OR1L8: variants seen among roughly 807,000 people sequenced by gnomAD.
The protein encoded by OR1L8 is olfactory receptor family 1 subfamily L member 8.
For missense variants in OR1L8, 330 were observed against 377.4 expected (o/e 0.87, Z 1.04); for synonymous variants, 148 against 147.0 (o/e 1.01, Z -0.05).
chr9:122,555,801 A>G, the OR1L8 span, among the ~76,000 whole-genome samples: 3 of 152,184 alleles, frequency 2.0e-5, no homozygotes, highest in Non-Finnish European at 4.4e-5. Flanking sequence ...TTATGCCCCA[A>G]CACACGCACA....
intron 4 of OR1L8, among the ~76,000 whole-genome samples, chr9:122,569,175 C>T (rs1829494870): frequency 6.6e-6 from 1 of 152,158 alleles, no homozygotes; most frequent in South Asian, 2.1e-4. Context: ...TTCATCCTCC[C>T]TAGCTCATGA....
At chr9:122,550,874 A>G in the OR1L8 span, among the ~76,000 whole-genome samples, 49 of 152,232 alleles carry the variant, frequency 3.2e-4, no homozygotes, top group African/African-American at 1.1e-3. Context: ...ACTCCTATTC[A>G]ACATGATACT....
At chr9:122,546,730 C>A in the OR1L8 span, among the ~76,000 whole-genome samples, 115,587 of 152,120 alleles carry the variant, frequency 0.76, 44,509 homozygotes, top group East Asian at 1. Context: ...TCATTTACGC[C>A]TGGAAAGTAC....
the OR1L8 span, among the ~76,000 whole-genome samples, chr9:122,547,578 A>G: frequency 4.6e-5 from 7 of 151,128 alleles, no homozygotes; most frequent in African/African-American, 9.7e-5. Context: ...TTCCACTTCT[A>G]TGCCCAACTT....
At chr9:122,561,407 G>A in the OR1L8 span, among the ~76,000 whole-genome samples, 11 of 152,174 alleles carry the variant, frequency 7.2e-5, no homozygotes, top group South Asian at 2.1e-4. Context: ...TCATTTGGAG[G>A]AGAAAAGGCA....
the OR1L8 span, chr9:122,553,026 CTT>C: frequency 1.6e-5 from 11 of 675,866 alleles, no homozygotes; most frequent in East Asian, 2.7e-4. Flanking sequence ...CTAAATGTCT[CTT>C]GGGTATTTCC....
the OR1L8 span, chr9:122,554,204 C>T: frequency 6.8e-7 from 1 of 1,462,936 alleles, no homozygotes; most frequent in Non-Finnish European, 9.3e-7. Context: ...ATCAACCCCT[C>T]CCTGTCTTCC....
intron 4 of OR1L8, among the ~76,000 whole-genome samples, chr9:122,570,531 A>G (rs1829527564): frequency 6.6e-6 from 1 of 152,254 alleles, no homozygotes; most frequent in South Asian, 2.1e-4. Context: ...AAAATCGAAC[A>G]CAAATATCCA....
chr9:122,546,855 G>A, the OR1L8 span, among the ~76,000 whole-genome samples: 1 of 151,966 alleles, frequency 6.6e-6, no homozygotes, highest in East Asian at 1.9e-4. Context: ...GTATGTATTC[G>A]GGGGGTACAT....
chr9:122,546,403 G>T, the OR1L8 span, among the ~76,000 whole-genome samples: 1 of 152,134 alleles, frequency 6.6e-6, no homozygotes, highest in South Asian at 2.1e-4. Flanking sequence ...GCTAGTTTGG[G>T]AAGCTTATGA....
downstream of OR1L8, among the ~76,000 whole-genome samples, chr9:122,562,493 C>G (rs1354229772): frequency 6.6e-6 from 1 of 152,208 alleles, no homozygotes; most frequent in Non-Finnish European, 1.5e-5. Context: ...TTGCACAGTT[C>G]TGTGGAAAAA....
the OR1L8 span, among the ~76,000 whole-genome samples, chr9:122,552,309 G>T: frequency 6.6e-6 from 1 of 152,070 alleles, no homozygotes. Flanking sequence ...AAACAGACTG[G>T]TTATTTTCAA....
At chr9:122,570,738 ATTTTATAATATTGCAAGATTTTATAG>A (rs1829532833) in intron 4 of OR1L8, among the ~76,000 whole-genome samples, 1 of 152,208 alleles carries the variant, frequency 6.6e-6, no homozygotes, top group Non-Finnish European at 1.5e-5. Context: ...TCTCAGATTA[ATTTTATAATATTGCAAGATTTTATAG>A]AAGGAATATT....
At chr9:122,571,956 C>T (rs1264543327) in intron 4 of OR1L8, among the ~76,000 whole-genome samples, 1 of 152,142 alleles carries the variant, frequency 6.6e-6, no homozygotes, top group Non-Finnish European at 1.5e-5. Context: ...AATTGCCTCA[C>T]AGTTCTGCAG....
At chr9:122,564,573 T>C (rs1578424), downstream of OR1L8, among the ~76,000 whole-genome samples, 88,434 of 152,066 alleles carry the variant, frequency 0.58, 26,236 homozygotes, top group East Asian at 0.97. Flanking sequence ...CATCCCTGCT[T>C]AACTTTCCTA....
At chr9:122,552,523 T>C in the OR1L8 span, among the ~76,000 whole-genome samples, 227 of 152,130 alleles carry the variant, frequency 1.5e-3, no homozygotes, top group African/African-American at 5.1e-3. Flanking sequence ...AGTGGCTCCC[T>C]GTCCTATTTG....
chr9:122,568,448 G>A lies in OR1L8; in HGVS notation c.30C>T (p.Val10=). MERINHTSS[V]SEFILLGLSS... ...AGAGTCCCAGGAGGATAAACTCGGA[G>A]ACACTGCTGGTGTGGTTGATTCTTT... Residue 10 remains valine, a synonymous_variant, in exon 5 of 5, where the codon GTC becomes GTT. Transcript: ENST00000641027. 1 of 1,607,546 alleles carries A rather than the reference G, an allele frequency of 6.2e-7. No homozygotes were observed. The highest frequency in any genetic ancestry group is 8.5e-7 in the Non-Finnish European group (1 of 1,176,330).
chr9:122,547,823 C>T, the OR1L8 span, among the ~76,000 whole-genome samples: 1 of 152,048 alleles, frequency 6.6e-6, no homozygotes, highest in African/African-American at 2.4e-5. Flanking sequence ...AGTGAAATTG[C>T]TGGATCAAAT....
At chr9:122,577,621 A>G (rs986773576) in intron 2 of OR1L8, among the ~76,000 whole-genome samples, 2 of 152,220 alleles carry the variant, frequency 1.3e-5, no homozygotes, top group Admixed American at 1.3e-4. Context: ...CACCAATCAT[A>G]TTATCTATCA....
Sources: allele counts gnomAD v4.1 joint callset (sites outside exome capture counted in the v4.1 genomes callset), GRCh38; gene constraint gnomAD v4.1.1; transcripts MANE v1.5; gene names NCBI Gene and HGNC (gene_info 2026-07-23, HGNC 2026-07-21).